Variants in PCDHGB3 observed in about 807,000 individuals in gnomAD.
The protein encoded by PCDHGB3 is protocadherin gamma-B3.
Under a neutral mutation model 59.2 loss-of-function variants are expected in PCDHGB3, and 40 were observed. That is an observed-to-expected ratio of 0.68 (90% CI 0.52 to 0.88). The LOEUF is 0.88. Ranked by LOEUF, PCDHGB3 falls within the 40% of genes least tolerant of loss-of-function variation. PCDHGB3 has a pLI of 0.00. For synonymous variants in PCDHGB3, 581 were observed against 503.6 expected, an observed-to-expected ratio of 1.15 and a Z score of -2.06; for missense variants, 1,309 against 1,187.9, an observed-to-expected ratio of 1.10 and a Z score of -1.50.
intron 1 of PCDHGB3, chr5:141,375,931 T>C (rs746995876): frequency 6.2e-6 from 10 of 1,613,646 alleles, no homozygotes; most frequent in South Asian, 4.4e-5. Context: ...AGCCAGGACT[T>C]TTCTCAGTGG....
At chr5:141,419,184 T>A in intron 1 of PCDHGB3, 1 of 1,613,938 alleles carries the variant, frequency 6.2e-7, no homozygotes, top group Non-Finnish European at 8.5e-7. Context: ...ACCCTGCACA[T>A]TACTGACGTC....
chr5:141,393,171 G>A (rs768471669), intron 1 of PCDHGB3: 1 of 1,613,268 alleles, frequency 6.2e-7, no homozygotes, highest in Non-Finnish European at 8.5e-7. Context: ...CTTTGGGGTA[G>A]AAATAGAAAT....
chr5:141,375,327 T>A (rs1219155365), intron 1 of PCDHGB3: 2 of 1,613,686 alleles, frequency 1.2e-6, no homozygotes, highest in South Asian at 2.2e-5. Context: ...CGGGAAGAGG[T>A]ATTCTTGTAC....
In PCDHGB3 at chr5:141,485,031, C is replaced by A; in HGVS notation, c.2416-9776C>A. On this transcript the variant is annotated intron_variant, in intron 1 of 3. Coordinates refer to ENST00000576222, the MANE Select transcript of PCDHGB3 (RefSeq NM_018924.5). The surrounding 1 kb of genome is among the most constrained non-coding windows in gnomAD (Gnocchi z 5.7). Reference sequence around the variant, plus strand: ...TACCCCGCCACCAGCAAAAACGGCGCGTAACCCTTGCGGCGCCGGCCGAAC... The same window carrying A: ...TACCCCGCCACCAGCAAAAACGGCGAGTAACCCTTGCGGCGCCGGCCGAAC... The A allele has an allele frequency of 1.5e-6, 1 of 680,514 alleles. No homozygotes were observed. Among genetic ancestry groups the A allele is most frequent in the South Asian group, 1.8e-5 (1 of 54,868 alleles). 42.2% of individuals were successfully genotyped at this position (680,514 alleles called of 1,614,324 possible). A position where few individuals can be genotyped will look rare whatever the true frequency, so the allele number is the denominator to read the frequency against.
intron 1 of PCDHGB3, among the ~76,000 whole-genome samples, chr5:141,397,628 A>T (rs2093548217): frequency 6.6e-6 from 1 of 152,242 alleles, no homozygotes; most frequent in Non-Finnish European, 1.5e-5. Flanking sequence ...AGTTCTAGCT[A>T]AGAGTTCAAG....
intron 1 of PCDHGB3, chr5:141,404,457 C>T: frequency 6.2e-7 from 1 of 1,612,824 alleles, no homozygotes; most frequent in Non-Finnish European, 8.5e-7. Flanking sequence ...TCTCCTCTCT[C>T]CACCTATGTC....
rs140088812 is a variant in PCDHGB3, at chr5:141,489,695, T to C, written c.2416-5112T>C. The C allele has an allele frequency of 6.2e-7, 1 of 1,614,088 alleles. No homozygotes were observed. The highest frequency in any genetic ancestry group is 1.3e-5 in the African/African-American group (1 of 75,026). On this transcript the variant is annotated intron_variant, in intron 1 of 3. Transcript: ENST00000576222. This position sits in a 1 kb window ranked among gnomAD's most constrained non-coding sequence, Gnocchi z 4.5. ...GAATCAGCAGCATCTGGGGCACGAT[T>C]CCCACTGGACAGTGCCCAGGATCCG...
chr5:141,421,487 C>G (rs1447180364), intron 1 of PCDHGB3: 2 of 1,614,094 alleles, frequency 1.2e-6, no homozygotes, highest in Non-Finnish European at 1.7e-6. Context: ...AGCTTGATCA[C>G]GGCAGGCAGG....
chr5:141,439,410 A>T (rs2098110832), intron 1 of PCDHGB3, among the ~76,000 whole-genome samples: 1 of 152,220 alleles, frequency 6.6e-6, no homozygotes, highest in African/African-American at 2.4e-5. Context: ...TGCTAACATC[A>T]CTGAGGTTAT....
At chr5:141,404,129 A>C in intron 1 of PCDHGB3, 2 of 1,613,162 alleles carry the variant, frequency 1.2e-6, no homozygotes, top group Non-Finnish European at 1.7e-6. Context: ...TCTATCTTTT[A>C]CATTAGAAAA....
chr5:141,376,010 G>A (rs1479116283), intron 1 of PCDHGB3: 4 of 1,613,424 alleles, frequency 2.5e-6, no homozygotes, highest in Middle Eastern at 1.7e-4. Flanking sequence ...GCAGAGCCTA[G>A]TGGTGGCCGT....
chr5:141,495,939 G>A (rs1408330065), intron 2 of PCDHGB3, among the ~76,000 whole-genome samples: 1 of 151,994 alleles, frequency 6.6e-6, no homozygotes, highest in Non-Finnish European at 1.5e-5. Context: ...TCTGGTCTCT[G>A]TGCCTGTTGT....
chr5:141,461,255 G>A (rs1466460215), intron 1 of PCDHGB3, among the ~76,000 whole-genome samples: 1 of 152,098 alleles, frequency 6.6e-6, no homozygotes. Flanking sequence ...ATTCCCAGCA[G>A]CAATGTGTAA....
At chr5:141,506,306 G>A (rs539365378) in intron 3 of PCDHGB3, among the ~76,000 whole-genome samples, 4 of 152,040 alleles carry the variant, frequency 2.6e-5, no homozygotes, top group Non-Finnish European at 5.9e-5. Flanking sequence ...AAAATTAGCT[G>A]GGCATGGTGG....
intron 1 of PCDHGB3, among the ~76,000 whole-genome samples, chr5:141,455,890 T>G (rs1055285369): frequency 1.3e-5 from 2 of 149,264 alleles, no homozygotes; most frequent in African/African-American, 2.4e-5. Flanking sequence ...TTTATTTATT[T>G]ATTTATTTAT....
intron 1 of PCDHGB3, chr5:141,378,037 A>G (rs898518521): frequency 1.3e-5 from 2 of 152,204 alleles, no homozygotes; most frequent in African/African-American, 4.8e-5. Flanking sequence ...TTAAAACAAG[A>G]CTTTCCTTAT....
chr5:141,511,695 C>A lies in PCDHGB3; in HGVS notation c.*522C>A, dbSNP rs1009832192. The A allele has an allele frequency of 9.7e-5, 19 of 195,544 alleles. No individual in the cohort carries two copies. The highest frequency in any genetic ancestry group is 1.7e-4 in the Non-Finnish European group (16 of 92,634). 12.1% of individuals were successfully genotyped at this position (195,544 alleles called of 1,614,324 possible). A position where few individuals can be genotyped will look rare whatever the true frequency, so the allele number is the denominator to read the frequency against. On this transcript the variant is annotated 3_prime_UTR_variant, in exon 4 of 4. Transcript: ENST00000576222. ...CTTCCCCCAAAGCATGGTTTGGTGC[C>A]AGCCCCTTCACCTCCTTCCAGAGCC...
chr5:141,466,068 G>C (rs1278308918), intron 1 of PCDHGB3, among the ~76,000 whole-genome samples: 4 of 152,080 alleles, frequency 2.6e-5, no homozygotes, highest in Admixed American at 2.6e-4. Flanking sequence ...CTTGCAGTGA[G>C]CTGATATCAT....
chr5:141,413,470 C>T (rs748662580), intron 1 of PCDHGB3: 17 of 1,614,110 alleles, frequency 1.1e-5, no homozygotes, highest in Non-Finnish European at 1.4e-5. Flanking sequence ...CCGGGAGGAG[C>T]TCTGCGCTCA....
Sources: gnomAD v4.1 joint callset for allele counts (sites outside exome capture counted in the v4.1 genomes callset) on GRCh38, gnomAD v4.1.1 for gene constraint, Gnocchi (gnomAD v3.1) non-coding constraint, MANE v1.5 for transcripts, NCBI Gene and HGNC (gene_info 2026-07-23, HGNC 2026-07-21) for gene names.